Variants in TBC1D9B observed in about 807,000 individuals in gnomAD.
TBC1D9B encodes the protein TBC1 domain family, member 9B (with GRAM domain).
TBC1D9B carries 87 observed loss-of-function variants against 121.1 expected under a neutral mutation model. The observed-to-expected ratio is 0.72, with a 90% CI of 0.60 to 0.86. The LOEUF is 0.86. Among genes scored for constraint, TBC1D9B ranks in the 40% least tolerant of loss-of-function variants. TBC1D9B has a pLI of 0.00. For missense variants in TBC1D9B, 1,540 were observed against 1,628.6 expected, an observed-to-expected ratio of 0.95 and a Z score of 0.94; for synonymous variants, 668 against 670.1, an observed-to-expected ratio of 1.00 and a Z score of 0.05.
chr5:179,868,005 A>T, intron 17 of TBC1D9B, 156 bp from the exon 18 acceptor site: 1 of 522,424 alleles, frequency 1.9e-6, no homozygotes. Flanking sequence ...AATAGTTTTG[A>T]TGGTGATGAT....
chr5:179,867,904 A>C, intron 17 of TBC1D9B, 55 bp from the exon 18 acceptor site: 1 of 1,480,226 alleles, frequency 6.8e-7, no homozygotes, highest in Non-Finnish European at 9.0e-7. Flanking sequence ...AGATCCTCTC[A>C]GAGTAAGTTC....
In TBC1D9B at chr5:179,891,708, G is replaced by A; in HGVS notation, c.837-122C>T. 9.1e-7 allele frequency: 1 copy of A among 1,101,026 alleles called. No individual in the cohort carries two copies. The highest frequency in any genetic ancestry group is 1.3e-6 in the Non-Finnish European group (1 of 770,696). The allele number at this position is 1,101,026 out of a possible 1,614,324, so 68.2% of individuals were successfully genotyped here. A position where few individuals can be genotyped will look rare whatever the true frequency, so the allele number is the denominator to read the frequency against. ...CATCAGATTCAGGATCCCTGGGGTG[G>A]TCCCTTGAGCAAGTCATGCTCAGGG... is the stretch of plus-strand genomic sequence containing the variant. On this transcript the variant is annotated intron_variant, in intron 5 of 20. Coordinates refer to ENST00000355235, the MANE Select transcript of TBC1D9B (RefSeq NM_015043.4). The surrounding 1 kb of genome is among the most constrained non-coding windows in gnomAD (Gnocchi z 4.3).
At position 179,874,972 on chromosome 5, in the gene TBC1D9B, C is replaced by A. The variant is rs10037618; in HGVS notation, c.2116G>T (p.Val706Phe). ...AGCTGCTCCATGTTGGCGTCCAGGACGGCCAGGGCCACCTGCAGGATCACC... is the reference window on the plus strand; with the variant it reads ...AGCTGCTCCATGTTGGCGTCCAGGAAGGCCAGGGCCACCTGCAGGATCACC... ...IKVILQVALA[V>F]LDANMEQLLG... Residue 706 changes from valine (V) to phenylalanine (F), a missense_variant, in exon 12 of 21, where the codon GTC (valine) becomes TTC (phenylalanine). Val to Phe is a conservative substitution (Grantham distance 50). Coordinates refer to ENST00000355235, the MANE Select transcript of TBC1D9B (RefSeq NM_015043.4). This position sits in a 1 kb window ranked among gnomAD's most constrained non-coding sequence, Gnocchi z 4.3. 2 of 1,613,834 alleles carry A rather than the reference C, an allele frequency of 1.2e-6. No homozygotes were observed. The highest frequency in any genetic ancestry group is 3.3e-5 in the Admixed American group (2 of 60,030).
chr5:179,893,322 C>T lies in TBC1D9B; in HGVS notation c.723G>A (p.Met241Ile). The T allele has an allele frequency of 6.2e-7, 1 of 1,614,160 alleles. No individual in the cohort carries two copies. Among genetic ancestry groups the T allele is most frequent in the Non-Finnish European group, 8.5e-7 (1 of 1,180,038 alleles). Residue 241 changes from methionine (M) to isoleucine (I), a missense_variant, in exon 5 of 21, where the codon ATG becomes ATA. Physicochemically the swap from Met to Ile is conservative, Grantham distance 10 (BLOSUM62 1). Transcript: ENST00000355235. ...FLNIGETFKL[M>I]EQLANLAMRQ... ...GCATGGCCAGGTTGGCCAACTGCTC[C>T]ATGAGCTTGAAGGTCTCGCCGATGT...
At chr5:179,880,373 T>C (rs965549595) in intron 7 of TBC1D9B, among the ~76,000 whole-genome samples, 1 of 152,174 alleles carries the variant, frequency 6.6e-6, no homozygotes, top group African/African-American at 2.4e-5. Flanking sequence ...CAAAGTCCAG[T>C]GGGGGAGAGC....
rs759550717 is a variant in TBC1D9B at position 179,879,794 on chromosome 5, A to C, written c.1255-5T>G. On this transcript the variant is annotated splice_polypyrimidine_tract_variant and splice_region_variant and intron_variant, in intron 7 of 20. Transcript: ENST00000355235. ...CTCCTGAGGAGCTGGGGAAGACTAGAAAATAAAACAGGGAAGGGGACGCCC... is the reference window on the plus strand; with the variant it reads ...CTCCTGAGGAGCTGGGGAAGACTAGCAAATAAAACAGGGAAGGGGACGCCC... 1.2e-6 allele frequency: 2 copies of C among 1,606,530 alleles called. No homozygotes were observed. Among genetic ancestry groups the C allele is most frequent in the South Asian group, 2.2e-5 (2 of 90,510 alleles).
intron 3 of TBC1D9B, among the ~76,000 whole-genome samples, chr5:179,897,577 G>A (rs1333784681): frequency 6.6e-6 from 1 of 152,050 alleles, no homozygotes; most frequent in African/African-American, 2.4e-5. Flanking sequence ...CGCCCGTCTT[G>A]GCCTCCCAGA....
chr5:179,907,874 C>A lies in TBC1D9B; in HGVS notation c.-53G>T. ...CCCGCGAGACGGAAGCGCCCGCCGC[C>A]GTCGGCGTCCCGGAGCGGAGCGTGC... is the stretch of plus-strand genomic sequence containing the variant. On this transcript the variant is annotated 5_prime_UTR_variant, in exon 1 of 21. Transcript: ENST00000355235. The surrounding 1 kb of genome is among the most constrained non-coding windows in gnomAD (Gnocchi z 5.3). The A allele has an allele frequency of 4.1e-6, 4 of 980,232 alleles. No individual in the cohort carries two copies. The highest frequency in any genetic ancestry group is 4.9e-6 in the Non-Finnish European group (4 of 817,244). 60.7% of individuals were successfully genotyped at this position (980,232 alleles called of 1,614,324 possible). A position where few individuals can be genotyped will look rare whatever the true frequency, so the allele number is the denominator to read the frequency against.
chr5:179,878,225 C>CA, intron 10 of TBC1D9B, 84 bp downstream of exon 10: 1 of 1,432,556 alleles, frequency 7.0e-7, no homozygotes, highest in Non-Finnish European at 9.5e-7. Context: ...GCAGGGTCAC[C>CA]ACACAGGCCT....
chr5:179,869,976 T>A, intron 16 of TBC1D9B, 142 bp from the exon 17 acceptor site: 2 of 963,796 alleles, frequency 2.1e-6, no homozygotes, highest in South Asian at 3.5e-5. Flanking sequence ...AGATCTCCTG[T>A]CTCCCTGGCG....
chr5:179,899,766 C>T (rs567094703), intron 2 of TBC1D9B, among the ~76,000 whole-genome samples: 1 of 152,148 alleles, frequency 6.6e-6, no homozygotes, highest in African/African-American at 2.4e-5. Flanking sequence ...GATAAGCAGC[C>T]GGAGCTTCCT....
intron 10 of TBC1D9B, among the ~76,000 whole-genome samples, chr5:179,877,481 G>A (rs1760391344): frequency 6.6e-6 from 1 of 151,682 alleles, no homozygotes; most frequent in East Asian, 1.9e-4. Flanking sequence ...TAGCCAACAT[G>A]GCGAGACCCC....
Position 179,863,689 on chromosome 5 carries a change from G to A in TBC1D9B, c.3461C>T (p.Ala1154Val), listed in dbSNP as rs774603201. Residue 1154 changes from alanine to valine, a missense_variant, in exon 21 of 21, where the codon GCA (alanine) becomes GTA (valine). Ala to Val is a moderately conservative substitution (Grantham distance 64). Coordinates refer to ENST00000355235, the MANE Select transcript of TBC1D9B (RefSeq NM_015043.4). The surrounding 1 kb of genome is among the most constrained non-coding windows in gnomAD (Gnocchi z 4.5). Reference sequence around the variant, plus strand: ...CCCGCCCACCAGCACCGTGTCGTCTGCAAGGTCTTCACATTGCAGGGAGCC... The same window carrying A: ...CCCGCCCACCAGCACCGTGTCGTCTACAAGGTCTTCACATTGCAGGGAGCC... Reference protein sequence around the residue: ...STGSLQCEDLADDTVLVGGEA... With the variant: ...STGSLQCEDLVDDTVLVGGEA... 5.6e-6 allele frequency: 9 copies of A among 1,613,612 alleles called. No homozygotes were observed. Among genetic ancestry groups the A allele is most frequent in the Non-Finnish European group, 6.8e-6 (8 of 1,180,048 alleles).
intron 12 of TBC1D9B, among the ~76,000 whole-genome samples, chr5:179,873,539 C>A (rs1760265854): frequency 6.6e-6 from 1 of 152,236 alleles, no homozygotes; most frequent in Admixed American, 6.5e-5. Flanking sequence ...GCCTTATAAC[C>A]CCAGATCCTA....
At chr5:179,873,890 C>T (rs1254790441) in intron 12 of TBC1D9B, among the ~76,000 whole-genome samples, 2 of 152,164 alleles carry the variant, frequency 1.3e-5, no homozygotes, top group Non-Finnish European at 2.9e-5. Context: ...AGGCCCTATC[C>T]GCCTATTGTA....
rs1056416113 is a variant in TBC1D9B, at chr5:179,865,535, T to C, written c.2915-175A>G. On this transcript the variant is annotated intron_variant, in intron 19 of 20. Transcript: ENST00000355235. The surrounding 1 kb of genome is among the most constrained non-coding windows in gnomAD (Gnocchi z 5.1). Reference sequence around the variant, plus strand: ...AAAAAACCCAGAACAGCCACAGGTTTTCCCTAAATTGCTGCAGTGGTTGGA... The same window carrying C: ...AAAAAACCCAGAACAGCCACAGGTTCTCCCTAAATTGCTGCAGTGGTTGGA... 9.2e-6 allele frequency: 6 copies of C among 650,964 alleles called. No homozygotes were observed. In the African/African-American group the frequency reaches 1.1e-4, roughly 12 times the overall value. 40.3% of individuals were successfully genotyped at this position (650,964 alleles called of 1,614,324 possible).
intron 12 of TBC1D9B, among the ~76,000 whole-genome samples, chr5:179,873,985 A>G (rs1237466866): frequency 6.6e-6 from 1 of 152,204 alleles, no homozygotes; most frequent in Non-Finnish European, 1.5e-5. Flanking sequence ...ACTTAGGCCC[A>G]CAGTAGGGAG....
At chr5:179,901,564 C>T (rs1485324120) in intron 2 of TBC1D9B, among the ~76,000 whole-genome samples, 2 of 152,104 alleles carry the variant, frequency 1.3e-5, no homozygotes, top group South Asian at 2.1e-4. Context: ...GCAGGGGAAT[C>T]GCTTGAGCCC....
intron 6 of TBC1D9B, among the ~76,000 whole-genome samples, chr5:179,888,639 G>A (rs185277440): frequency 1.2e-4 from 18 of 152,284 alleles, no homozygotes; most frequent in Middle Eastern, 3.4e-3. Flanking sequence ...GCAGTCCCTT[G>A]CTTGCAGGAC....
Sources: gnomAD v4.1 joint callset for allele counts (sites outside exome capture counted in the v4.1 genomes callset) on GRCh38, gnomAD v4.1.1 for gene constraint, Gnocchi (gnomAD v3.1) non-coding constraint, MANE v1.5 for transcripts, NCBI Gene and HGNC (gene_info 2026-07-23, HGNC 2026-07-21) for gene names.